C5: variants seen among roughly 807,000 people sequenced by gnomAD.
The protein encoded by C5 is C3 and PZP-like alpha-2-macroglobulin domain-containing protein 4.
A neutral mutation model predicts 218.8 loss-of-function variants in C5; 140 were observed. That is an observed-to-expected ratio of 0.64 (90% CI 0.56 to 0.74). C5 has a LOEUF of 0.74. C5 is among the 30% of genes least tolerant of loss of function. The probability of loss-of-function intolerance (pLI) is 0.00; values close to 1 mark genes in which losing one functional copy is unlikely to be tolerated. For synonymous variants in C5, 614 were observed against 682.3 expected (o/e 0.90, Z 1.56); for missense variants, 1,700 against 1,969.6 (o/e 0.86, Z 2.59).
chr9:121,010,731 A>G (rs892228631), intron 17 of C5, among the ~76,000 whole-genome samples: 1 of 152,216 alleles, frequency 6.6e-6, no homozygotes, highest in Non-Finnish European at 1.5e-5. Flanking sequence ...CTGACTTCAA[A>G]TTATACTATA....
chr9:121,018,323 C>A (rs1312345791), intron 12 of C5, among the ~76,000 whole-genome samples: 7 of 149,872 alleles, frequency 4.7e-5, no homozygotes, highest in Non-Finnish European at 7.4e-5. Context: ...CCTGTAATCC[C>A]AGAAGTTTGG....
intron 33 of C5, among the ~76,000 whole-genome samples, chr9:120,967,259 C>CAAAA (rs755173508): frequency 2.3e-4 from 17 of 74,022 alleles, no homozygotes; most frequent in Non-Finnish European, 4.5e-4. Context: ...AACTCCATCT[C>CAAAA]AAAAAAAAAA....
At chr9:121,025,239 C>T (rs1029249733) in intron 9 of C5, among the ~76,000 whole-genome samples, 1 of 152,100 alleles carries the variant, frequency 6.6e-6, no homozygotes, top group East Asian at 1.9e-4. Flanking sequence ...AATAGGGACC[C>T]AATGGCTTGT....
chr9:120,961,544 T>C lies in C5; in HGVS notation c.4526A>G (p.Tyr1509Cys). 1 of 1,611,888 alleles carries C rather than the reference T, an allele frequency of 6.2e-7. No individual in the cohort carries two copies. The highest frequency in any genetic ancestry group is 8.5e-7 in the Non-Finnish European group (1 of 1,177,940). ...CTGAATTTTGATATTGGAAGTGCTA[T>C]AAAACATGGTACACTGTTTATCTGT... ...HRPDKQCTMF[Y>C]STSNIKIQKV... Residue 1509 changes from tyrosine to cysteine, a missense_variant, in exon 37 of 41, where the codon TAT becomes TGT. Physicochemically the swap from Tyr to Cys is radical, Grantham distance 194. Transcript: ENST00000223642.
At chr9:121,057,150 A>C in the C5 span, among the ~76,000 whole-genome samples, 1 of 152,170 alleles carries the variant, frequency 6.6e-6, no homozygotes, top group African/African-American at 2.4e-5. Context: ...AGACATGGAG[A>C]AACACTTAGA....
intron 33 of C5, among the ~76,000 whole-genome samples, chr9:120,967,591 AG>A (rs1387161393): frequency 1.3e-5 from 2 of 152,212 alleles, no homozygotes; most frequent in African/African-American, 4.8e-5. Context: ...GAAAGGACTG[AG>A]GGACGATGGA....
rs2046958520 is a variant in C5 at position 120,976,989 on chromosome 9, C to T, written c.3659-84G>A. On this transcript the variant is annotated intron_variant, in intron 28 of 40. Coordinates refer to ENST00000223642, the MANE Select transcript of C5 (RefSeq NM_001735.3). ...ATTCTACCAGGTGTATTATGGCCTT[C>T]CAGTTTCTAGAAGCTACTTACTTTT... 3 of 1,192,394 alleles carry T rather than the reference C, an allele frequency of 2.5e-6. No individual in the cohort carries two copies. In the Admixed American group the frequency reaches 5.6e-5, roughly 22 times the overall value. 73.9% of individuals were successfully genotyped at this position (1,192,394 alleles called of 1,614,324 possible). A position where few individuals can be genotyped will look rare whatever the true frequency, so the allele number is the denominator to read the frequency against.
intron 12 of C5, among the ~76,000 whole-genome samples, chr9:121,018,738 AAG>A (rs2047335240): frequency 1.0e-5 from 1 of 99,344 alleles, no homozygotes; most frequent in Non-Finnish European, 2.2e-5. Flanking sequence ...GGAAGGAAGG[AAG>A]GAAAGGAAGG....
chr9:121,007,282 T>TA (rs1046995542), intron 18 of C5, among the ~76,000 whole-genome samples: 2 of 152,206 alleles, frequency 1.3e-5, no homozygotes, highest in African/African-American at 4.8e-5. Flanking sequence ...GAGTATATTC[T>TA]AAAATAGGGA....
At chr9:121,050,390 A>C (rs1418399610), upstream of C5, 1 of 720,956 alleles carries the variant, frequency 1.4e-6, no homozygotes, top group Non-Finnish European at 2.5e-6. Flanking sequence ...TAGAATTGGA[A>C]CTAAAACACC....
chr9:121,014,176 C>T, intron 16 of C5, 106 bp from the exon 17 acceptor site: 3 of 935,386 alleles, frequency 3.2e-6, no homozygotes, highest in Non-Finnish European at 5.1e-6. Context: ...TATGATCCCC[C>T]TACCCACAAT....
intron 14 of C5, 114 bp from the exon 15 acceptor site, chr9:121,016,497 A>G: frequency 2.2e-6 from 3 of 1,361,466 alleles, no homozygotes; most frequent in Non-Finnish European, 1.0e-6. Flanking sequence ...TACACAGATG[A>G]TATTTTTCAA....
chr9:120,999,714 C>T, intron 20 of C5: 1 of 225,124 alleles, frequency 4.4e-6, no homozygotes, highest in Non-Finnish European at 9.0e-6. Context: ...AGATTCAATC[C>T]AAAATTACTA....
chr9:121,067,215 C>A, the C5 span, among the ~76,000 whole-genome samples: 1 of 151,866 alleles, frequency 6.6e-6, no homozygotes, highest in Non-Finnish European at 1.5e-5. Context: ...CTGCAGTGAG[C>A]CATAATTGCA....
chr9:121,042,346 AC>A (rs1156460610), intron 3 of C5, among the ~76,000 whole-genome samples: 1 of 152,248 alleles, frequency 6.6e-6, no homozygotes, highest in African/African-American at 2.4e-5. Flanking sequence ...TAACAGAAGA[AC>A]CATGAATGTT....
At chr9:121,015,282 T>C (rs371915842) in intron 15 of C5, 21 bp from the exon 16 acceptor site, 9 of 1,531,092 alleles carry the variant, frequency 5.9e-6, no homozygotes, top group Non-Finnish European at 8.1e-6. Flanking sequence ...TAAAAAAAGA[T>C]AAAGAAGAAG....
chr9:121,041,172 G>A (rs928649240), intron 3 of C5, among the ~76,000 whole-genome samples: 3 of 151,502 alleles, frequency 2.0e-5, no homozygotes, highest in African/African-American at 7.3e-5. Context: ...TCAAACTCCT[G>A]ACCTCAAGTG....
intron 7 of C5, 48 bp from the exon 8 acceptor site, chr9:121,027,322 CA>C: frequency 2.2e-6 from 2 of 889,870 alleles, no homozygotes; most frequent in Non-Finnish European, 3.7e-6. Flanking sequence ...GTTACAATAA[CA>C]GGATTCAGAT....
chr9:120,974,939 C>T lies in C5; in HGVS notation c.3865-8G>A, dbSNP rs904509278. The T allele has an allele frequency of 1.2e-6, 2 of 1,614,014 alleles. No individual in the cohort carries two copies. The highest frequency in any genetic ancestry group is 2.7e-5 in the African/African-American group (2 of 74,918). ...AATGGCATTGATTGTGTCCTGTCAGCAATCAGCAAGGCACAAAAATATGTT... is the reference window on the plus strand; with the variant it reads ...AATGGCATTGATTGTGTCCTGTCAGTAATCAGCAAGGCACAAAAATATGTT... On this transcript the variant is annotated splice_region_variant and splice_polypyrimidine_tract_variant and intron_variant, in intron 29 of 40. Coordinates refer to ENST00000223642, the MANE Select transcript of C5 (RefSeq NM_001735.3).
Sources: allele counts gnomAD v4.1 joint callset (sites outside exome capture counted in the v4.1 genomes callset), GRCh38; gene constraint gnomAD v4.1.1; transcripts MANE v1.5; gene names NCBI Gene and HGNC (gene_info 2026-07-23, HGNC 2026-07-21).